HTT: variants seen among roughly 807,000 people sequenced by gnomAD.
HTT encodes huntingtin, also known as huntington disease protein.
HTT carries 104 observed loss-of-function variants against 362.3 expected under a neutral mutation model. That is an observed-to-expected ratio of 0.29 (90% CI 0.24 to 0.34). The LOEUF is 0.34. HTT is among the 10% of genes least tolerant of loss of function. The probability of loss-of-function intolerance (pLI) is 1.00; values close to 1 mark genes in which losing one functional copy is unlikely to be tolerated. For missense variants in HTT, 3,301 were observed against 3,928.6 expected (o/e 0.84, Z 4.27); for synonymous variants, 1,577 against 1,548.7 (o/e 1.02, Z -0.43).
In HTT at chr4:3,187,672, C is replaced by A; in HGVS notation, c.5011C>A (p.Leu1671Met). Reference protein sequence around the residue: ...NTMASVSTVQLWISGILAILR... With the variant: ...NTMASVSTVQMWISGILAILR... ...TTAGGCGTCCGTGAGCACTGTTCAACTGTGGATATCGGGAATTCTGGCCAT... is the reference window on the plus strand; with the variant it reads ...TTAGGCGTCCGTGAGCACTGTTCAAATGTGGATATCGGGAATTCTGGCCAT... Residue 1671 changes from leucine (L) to methionine (M), a missense_variant, in exon 39 of 67, where the codon CTG (leucine) becomes ATG (methionine). This residue lies in a region of HTT where 2,316 missense variants were observed against 2,658.5 expected (regional missense o/e 0.87). Transcript: ENST00000355072. The A allele has an allele frequency of 1.2e-6, 2 of 1,613,876 alleles. No homozygotes were observed. Among genetic ancestry groups the A allele is most frequent in the Non-Finnish European group, 1.7e-6 (2 of 1,179,758 alleles).
At chr4:3,084,482 G>T (rs1360891805) in intron 1 of HTT, among the ~76,000 whole-genome samples, 1 of 152,040 alleles carries the variant, frequency 6.6e-6, no homozygotes, top group African/African-American at 2.4e-5. Flanking sequence ...TTGAGGTCAG[G>T]AGTTCGAGAC....
At chr4:3,119,890 G>A (rs1715213432) in intron 8 of HTT, among the ~76,000 whole-genome samples, 1 of 152,226 alleles carries the variant, frequency 6.6e-6, no homozygotes, top group South Asian at 2.1e-4. Context: ...GGGCCAGATA[G>A]TAAATATTTT....
chr4:3,180,531 G>T lies in HTT; in HGVS notation c.4629G>T (p.Gln1543His), dbSNP rs1718465226. The T allele has an allele frequency of 6.2e-7, 1 of 1,607,480 alleles. No individual in the cohort carries two copies. Among genetic ancestry groups the T allele is most frequent in the African/African-American group, 1.3e-5 (1 of 74,422 alleles). The change falls in exon 36 of 67, where the codon CAG becomes CAT. Residue 1543 changes from glutamine to histidine, a missense_variant. This residue lies in a region of HTT where 2,316 missense variants were observed against 2,658.5 expected (regional missense o/e 0.87). Coordinates refer to ENST00000355072, the MANE Select transcript of HTT (RefSeq NM_001388492.1). ...KAVTHAIPAL[Q>H]PIVHDLFVLR... ...TCCCCACAGCCATACCGGCTCTGCA[G>T]CCCATAGTCCACGACCTCTTTGTAT...
At chr4:3,139,922 G>T (rs959793458) in intron 21 of HTT, among the ~76,000 whole-genome samples, 1 of 152,318 alleles carries the variant, frequency 6.6e-6, no homozygotes, top group Middle Eastern at 3.4e-3. Flanking sequence ...ATTTAATAGT[G>T]TAAATAGAAA....
At chr4:3,090,418 C>T (rs1713438759) in intron 2 of HTT, among the ~76,000 whole-genome samples, 1 of 152,186 alleles carries the variant, frequency 6.6e-6, no homozygotes. Context: ...CACAAGTATC[C>T]TCTTGGGAAT....
intron 21 of HTT, among the ~76,000 whole-genome samples, chr4:3,136,759 T>C (rs765116953): frequency 1.3e-5 from 2 of 152,222 alleles, no homozygotes; most frequent in African/African-American, 2.4e-5. Flanking sequence ...TTTCCTGTTA[T>C]GAAACAGTAA....
chr4:3,182,418 G>A lies in HTT; in HGVS notation c.4814G>A (p.Arg1605Gln), dbSNP rs746851644. 7.4e-6 allele frequency: 12 copies of A among 1,614,058 alleles called. No individual in the cohort carries two copies. Among genetic ancestry groups the A allele is most frequent in the South Asian group, 1.1e-5 (1 of 91,052 alleles). ...CHKENEDKWK[R>Q]LSRQIADIIL... ...AAGGAGAATGAAGACAAGTGGAAGC[G>A]ACTGTCTCGACAGATAGCTGACATC... The change falls in exon 37 of 67, where the codon CGA (arginine) becomes CAA (glutamine). Residue 1605 changes from arginine (R) to glutamine (Q), a missense_variant. By Grantham distance (43) the Arg-to-Gln change is conservative (BLOSUM62 1). Around this residue, in one of 4 missense-constraint regions of HTT, gnomAD observed 2,316 missense variants for 2,658.5 expected, o/e 0.87. Transcript: ENST00000355072.
chr4:3,211,921 G>C lies in HTT; in HGVS notation c.6415-8G>C, dbSNP rs1387211216. ...ATTGTTTGTTAACCTTTAATGCTCTGATTTCAGGAGTTCAACCTAAGCCTG... is the reference window on the plus strand; with the variant it reads ...ATTGTTTGTTAACCTTTAATGCTCTCATTTCAGGAGTTCAACCTAAGCCTG... On this transcript the variant is annotated splice_polypyrimidine_tract_variant and splice_region_variant and intron_variant, in intron 47 of 66. Coordinates refer to ENST00000355072, the MANE Select transcript of HTT (RefSeq NM_001388492.1). 1.9e-6 allele frequency: 3 copies of C among 1,607,012 alleles called. No homozygotes were observed. Among genetic ancestry groups the C allele is most frequent in the African/African-American group, 2.7e-5 (2 of 74,772 alleles).
intron 41 of HTT, 56 bp from the exon 42 acceptor site, chr4:3,203,951 C>G: frequency 6.4e-7 from 1 of 1,571,414 alleles, no homozygotes; most frequent in Non-Finnish European, 8.7e-7. Context: ...CAGTATTTTG[C>G]AAATAAGCTC....
At chr4:3,197,866 G>A (rs1211027148) in intron 40 of HTT, among the ~76,000 whole-genome samples, 5 of 152,156 alleles carry the variant, frequency 3.3e-5, no homozygotes, top group African/African-American at 2.4e-5. Context: ...GTCCCTGCAC[G>A]TGCTCTGTGG....
rs1221097886 is a variant in HTT, at chr4:3,176,969, G to A, written c.4408-363G>A. 3.3e-5 allele frequency among the ~76,000 whole-genome samples: 5 copies of A among 152,320 alleles called. No individual in the cohort carries two copies. The East Asian group carries it at 9.6e-4, about 29-fold the overall frequency. On this transcript the variant is annotated intron_variant, in intron 33 of 66. Transcript: ENST00000355072. ...CTCAGATGGTTGGGGGACGAAGGTC[G>A]ACTCCTTTGGGTATCTTATTACTAA...
chr4:3,145,472 A>G (rs1365927120), intron 24 of HTT, among the ~76,000 whole-genome samples: 2 of 152,164 alleles, frequency 1.3e-5, no homozygotes, highest in Non-Finnish European at 2.9e-5. Context: ...CTTCAAGTTC[A>G]TTTAAGGGAA....
chr4:3,083,164 G>A (rs757728847), intron 1 of HTT, among the ~76,000 whole-genome samples: 4 of 152,120 alleles, frequency 2.6e-5, no homozygotes, highest in Non-Finnish European at 5.9e-5. Flanking sequence ...GGTTAGAGAC[G>A]AGCGTCTTGT....
At chr4:3,078,787 T>G (rs1027470412) in intron 1 of HTT, among the ~76,000 whole-genome samples, 4 of 151,032 alleles carry the variant, frequency 2.6e-5, no homozygotes, top group Admixed American at 2.0e-4. Context: ...CAGGCTGGAG[T>G]GCAGTGGCGC....
intron 40 of HTT, among the ~76,000 whole-genome samples, chr4:3,197,116 G>A (rs1719290050): frequency 6.6e-6 from 1 of 152,134 alleles, no homozygotes. Flanking sequence ...AGCTTGTGGG[G>A]TCTTCTCTGT....
At chr4:3,146,332 T>C (rs945737771) in intron 24 of HTT, among the ~76,000 whole-genome samples, 6 of 152,230 alleles carry the variant, frequency 3.9e-5, no homozygotes, top group Non-Finnish European at 5.9e-5. Context: ...AAGGATACCA[T>C]TGGGGAACCA....
chr4:3,142,909 C>T, intron 23 of HTT, 23 bp downstream of exon 23: 1 of 1,605,952 alleles, frequency 6.2e-7, no homozygotes. Context: ...CTTGATCGGT[C>T]TTACTGACAT....
intron 12 of HTT, chr4:3,129,031 G>A (rs1200892293): frequency 1.3e-5 from 2 of 152,150 alleles, no homozygotes; most frequent in Non-Finnish European, 2.9e-5. Flanking sequence ...CACAGTATTT[G>A]TTTTACTTAG....
intron 34 of HTT, 128 bp from the exon 35 acceptor site, chr4:3,178,170 A>G (rs1718324323): frequency 1.4e-6 from 1 of 717,522 alleles, no homozygotes; most frequent in South Asian, 1.8e-5. Context: ...GTTAGAGTAG[A>G]TCACGGACAC....
Sources: gnomAD v4.1 joint callset for allele counts (sites outside exome capture counted in the v4.1 genomes callset) on GRCh38, gnomAD v4.1.1 for gene constraint, gnomAD v4.1.1 regional missense constraint, MANE v1.5 for transcripts, NCBI Gene and HGNC (gene_info 2026-07-23, HGNC 2026-07-21) for gene names.